The following TNIK variants were observed in gnomAD, a reference collection of about 807,000 sequenced individuals.
TNIK encodes the protein TRAF2 and NCK interacting kinase, also known as TRAF2 and NCK-interacting protein kinase.
A neutral mutation model predicts 191.3 loss-of-function variants in TNIK; 49 were observed. The ratio of observed to expected loss-of-function variants is 0.26; its 90% CI spans 0.20 to 0.32. TNIK has a LOEUF of 0.32. Ranked by LOEUF, TNIK falls within the 10% of genes least tolerant of loss-of-function variation. The probability of loss-of-function intolerance (pLI) is 1.00; values close to 1 mark genes in which losing one functional copy is unlikely to be tolerated. For synonymous variants in TNIK, 594 were observed against 600.9 expected (o/e 0.99, Z 0.17); for missense variants, 1,155 against 1,702.3 (o/e 0.68, Z 5.66).
chr3:171,165,450 G>A (rs1001338145), intron 10 of TNIK, among the ~76,000 whole-genome samples: 2 of 149,620 alleles, frequency 1.3e-5, no homozygotes, highest in Admixed American at 6.6e-5. Flanking sequence ...ACTCTTTCTG[G>A]AACCTTCACT....
At position 171,242,301 on chromosome 3, in the gene TNIK, C is replaced by T. The variant is rs140430085; in HGVS notation, c.124-14080G>A. ...CAGCTAAGGACACCTGCACAAAACA[C>T]GAAAATTGCCTTCCTTCCTCCTCTT... On this transcript the variant is annotated intron_variant, in intron 2 of 32. Coordinates refer to ENST00000436636, the MANE Select transcript of TNIK (RefSeq NM_015028.4). Among the ~76,000 whole-genome samples the T allele has an allele frequency of 2.1e-3, 325 of 152,234 alleles. 1 individual carries two copies. The highest frequency in any genetic ancestry group is 3.3e-3 in the Non-Finnish European group (226 of 68,020).
intron 2 of TNIK, among the ~76,000 whole-genome samples, chr3:171,273,331 A>T (rs1156926765): frequency 6.6e-6 from 1 of 152,150 alleles, no homozygotes; most frequent in African/African-American, 2.4e-5. Flanking sequence ...TCTGGGCTTT[A>T]CTGTAGTGGG....
At chr3:171,323,451 G>A (rs557951668) in intron 2 of TNIK, among the ~76,000 whole-genome samples, 2 of 152,258 alleles carry the variant, frequency 1.3e-5, no homozygotes, top group Admixed American at 1.3e-4. Flanking sequence ...ACACCGCATG[G>A]ATTACGTTGC....
chr3:171,201,034 G>GA (rs1739338543), intron 4 of TNIK, among the ~76,000 whole-genome samples: 1 of 152,144 alleles, frequency 6.6e-6, no homozygotes, highest in South Asian at 2.1e-4. Flanking sequence ...GCAGGAAGAG[G>GA]TGCAAGCGGG....
chr3:171,179,754 C>T (rs1476544639), intron 7 of TNIK, among the ~76,000 whole-genome samples: 2 of 152,140 alleles, frequency 1.3e-5, no homozygotes, highest in African/African-American at 4.8e-5. Context: ...CCGGCCTGTA[C>T]CTGGGGTTTT....
chr3:171,441,440 G>A (rs1726787729), intron 1 of TNIK, among the ~76,000 whole-genome samples: 1 of 152,214 alleles, frequency 6.6e-6, no homozygotes, highest in Non-Finnish European at 1.5e-5. Context: ...CTTTCACTTA[G>A]CATAACATTT....
intron 3 of TNIK, among the ~76,000 whole-genome samples, chr3:171,214,267 C>T (rs1741198434): frequency 6.6e-6 from 1 of 151,614 alleles, no homozygotes; most frequent in African/African-American, 2.4e-5. Flanking sequence ...AAGAGTTCAG[C>T]CTCTCACAAT....
At chr3:171,298,519 G>A (rs966414531) in intron 2 of TNIK, among the ~76,000 whole-genome samples, 30 of 152,308 alleles carry the variant, frequency 2.0e-4, no homozygotes, top group African/African-American at 5.8e-4. Flanking sequence ...GTGGCCAGAA[G>A]TGATTTGTGT....
intron 9 of TNIK, among the ~76,000 whole-genome samples, chr3:171,173,308 A>G (rs1735562014): frequency 6.6e-6 from 1 of 151,466 alleles, no homozygotes; most frequent in Admixed American, 6.6e-5. Flanking sequence ...AGGCAGGAGA[A>G]TGGCGTGAAC....
intron 1 of TNIK, among the ~76,000 whole-genome samples, chr3:171,407,086 G>A (rs1721796035): frequency 6.6e-6 from 1 of 152,178 alleles, no homozygotes; most frequent in African/African-American, 2.4e-5. Context: ...GAGCTTGAAG[G>A]ACACTGAGAG....
chr3:171,222,567 T>G (rs78298336), intron 3 of TNIK, among the ~76,000 whole-genome samples: 1,678 of 152,292 alleles, frequency 0.011, 38 homozygotes, highest in African/African-American at 0.038. Context: ...CAAATGTACT[T>G]GGAACAATGT....
At chr3:171,436,962 T>A (rs777506438) in intron 1 of TNIK, among the ~76,000 whole-genome samples, 11 of 152,104 alleles carry the variant, frequency 7.2e-5, no homozygotes, top group Non-Finnish European at 1.2e-4. Flanking sequence ...TTAACACCCC[T>A]CAAAAAGAAT....
chr3:171,406,567 C>G (rs890259575), intron 1 of TNIK, among the ~76,000 whole-genome samples: 4 of 152,138 alleles, frequency 2.6e-5, no homozygotes, highest in African/African-American at 9.7e-5. Flanking sequence ...GTAGCCAGGA[C>G]TACAGGCATG....
intron 1 of TNIK, among the ~76,000 whole-genome samples, chr3:171,418,898 T>TC (rs2108624126): frequency 6.6e-6 from 1 of 152,266 alleles, no homozygotes; most frequent in South Asian, 2.1e-4. Context: ...TAATCTCAGA[T>TC]CGTGGTCCAG....
intron 12 of TNIK, among the ~76,000 whole-genome samples, chr3:171,144,772 C>T (rs1731307557): frequency 6.6e-6 from 1 of 152,220 alleles, no homozygotes; most frequent in Admixed American, 6.5e-5. Context: ...CCACTGCCCC[C>T]TGCCAATCCT....
intron 28 of TNIK, among the ~76,000 whole-genome samples, chr3:171,077,454 C>T (rs576311443): frequency 1.3e-5 from 2 of 152,304 alleles, no homozygotes; most frequent in South Asian, 4.1e-4. Context: ...AGACTGCCCT[C>T]CCCAATGTGG....
chr3:171,236,908 T>C (rs1744337256), intron 2 of TNIK, among the ~76,000 whole-genome samples: 1 of 152,120 alleles, frequency 6.6e-6, no homozygotes, highest in African/African-American at 2.4e-5. Context: ...GGGTTGGCTT[T>C]GGACCACAGA....
At chr3:171,225,812 A>G (rs1577175988) in intron 3 of TNIK, 2 of 350,826 alleles carry the variant, frequency 5.7e-6, no homozygotes, top group Non-Finnish European at 1.1e-5. Flanking sequence ...GATTAATGAC[A>G]TCAGTGGAAC....
intron 27 of TNIK, among the ~76,000 whole-genome samples, chr3:171,080,682 G>T (rs1036313497): frequency 2.6e-5 from 4 of 151,894 alleles, no homozygotes; most frequent in Non-Finnish European, 4.4e-5. Context: ...CAAATGATCC[G>T]CCCGCCTCGG....
Sources: gnomAD v4.1 joint callset for allele counts (sites outside exome capture counted in the v4.1 genomes callset) on GRCh38, gnomAD v4.1.1 for gene constraint, MANE v1.5 for transcripts, NCBI Gene and HGNC (gene_info 2026-07-23, HGNC 2026-07-21) for gene names.